The following APIP variants were observed in gnomAD, a reference collection of about 807,000 sequenced individuals.
The protein encoded by APIP is APAF1 interacting protein, also known as methylthioribulose-1-phosphate dehydratase.
Under a neutral mutation model 32.0 loss-of-function variants are expected in APIP, and 32 were observed. The observed-to-expected ratio is 1.00, with a 90% CI of 0.76 to 1.34. The LOEUF (loss-of-function observed/expected upper bound fraction) is 1.34, where lower values mean the gene tolerates loss of function less well. APIP is among the 40% of genes most tolerant of loss of function. APIP has a pLI of 0.00. For synonymous variants in APIP, 92 were observed against 94.8 expected, an observed-to-expected ratio of 0.97 and a Z score of 0.17; for missense variants, 247 against 298.6, an observed-to-expected ratio of 0.83 and a Z score of 1.27.
intron 1 of APIP, chr11:34,915,997 C>T: frequency 1.7e-6 from 1 of 598,342 alleles, no homozygotes; most frequent in Non-Finnish European, 2.9e-6. Flanking sequence ...ACGTTTGGCG[C>T]CCAGCTCCCG....
rs1039983669 is a variant in APIP at position 34,890,567 on chromosome 11, C to G, written c.159-15G>C. The stretch of plus-strand genomic sequence containing the variant: ...AGATTTCATCGCTGGCAACACAAAA[C>G]ATACAAATTGGTATTTATTTATTTC... On this transcript the variant is annotated splice_polypyrimidine_tract_variant and intron_variant, in intron 2 of 6. Coordinates refer to ENST00000395787, the MANE Select transcript of APIP (RefSeq NM_015957.4). 2.5e-6 allele frequency: 4 copies of G among 1,608,562 alleles called. No homozygotes were observed. The East Asian group carries it at 9.0e-5, about 36-fold the overall frequency.
At chr11:34,887,768 GAATT>G (rs1349886758) in intron 5 of APIP, among the ~76,000 whole-genome samples, 2 of 151,968 alleles carry the variant, frequency 1.3e-5, no homozygotes, top group Non-Finnish European at 2.9e-5. Flanking sequence ...GTGGACTGAT[GAATT>G]TATTTAAACT....
At chr11:34,897,095 G>C (rs1853285784) in intron 1 of APIP, among the ~76,000 whole-genome samples, 1 of 152,200 alleles carries the variant, frequency 6.6e-6, no homozygotes, top group Non-Finnish European at 1.5e-5. Flanking sequence ...TGAATTCTCA[G>C]CTACTTAGCT....
At position 34,888,808 on chromosome 11, in the gene APIP, T is replaced by C. The variant is rs1286052256; in HGVS notation, c.269A>G (p.Lys90Arg). 3 of 1,522,410 alleles carry C rather than the reference T, an allele frequency of 2.0e-6. No individual in the cohort carries two copies. The highest frequency in any genetic ancestry group is 1.5e-5 in the African/African-American group (1 of 68,402). The allele number at this position is 1,522,410 out of a possible 1,614,324, so 94.3% of individuals were successfully genotyped here. The part of the protein sequence containing the change: ...EKDISGPSPS[K>R]KLKKSQCTPL... ...AGTACACTGGCTTTTTTTTAGCTTCTTCGATGGCGAAGGTCCACTTATGTC... is the reference window on the plus strand; with the variant it reads ...AGTACACTGGCTTTTTTTTAGCTTCCTCGATGGCGAAGGTCCACTTATGTC... The change falls in exon 4 of 7, where the codon AAG (lysine) becomes AGG (arginine). Residue 90 changes from lysine (K) to arginine (R), a missense_variant. Lys to Arg is a conservative substitution (Grantham distance 26). Transcript: ENST00000395787.
chr11:34,908,826 G>T (rs765157719), intron 1 of APIP, among the ~76,000 whole-genome samples: 2 of 152,220 alleles, frequency 1.3e-5, no homozygotes, highest in Non-Finnish European at 2.9e-5. Flanking sequence ...TTAGTAGCTG[G>T]AAGTGGTTAT....
chr11:34,913,426 T>C (rs1447501316), intron 1 of APIP, among the ~76,000 whole-genome samples: 1 of 152,136 alleles, frequency 6.6e-6, no homozygotes, highest in Admixed American at 6.5e-5. Flanking sequence ...TTCTTCCTTC[T>C]GGTGGGTTCG....
intron 3 of APIP, 93 bp downstream of exon 3, chr11:34,890,411 T>C (rs1192397072): frequency 1.8e-5 from 22 of 1,248,786 alleles, no homozygotes; most frequent in South Asian, 2.8e-5. Context: ...ATTGCTATGA[T>C]AAAATGAATG....
Position 34,916,296 on chromosome 11 carries a change from G to A in APIP, c.-12C>T, listed in dbSNP as rs1275712098. ...TCACAGCCAGACATGGCCCAGACCA[G>A]GGACCCGCGCGGCCTCCAATCTCCG... On this transcript the variant is annotated 5_prime_UTR_variant, in exon 1 of 7. Transcript: ENST00000395787. 5 of 1,611,494 alleles carry A rather than the reference G, an allele frequency of 3.1e-6. No homozygotes were observed. The South Asian group carries it at 4.4e-5, about 14-fold the overall frequency.
At chr11:34,906,642 C>T (rs1427822121) in intron 1 of APIP, among the ~76,000 whole-genome samples, 1 of 152,242 alleles carries the variant, frequency 6.6e-6, no homozygotes, top group Non-Finnish European at 1.5e-5. Flanking sequence ...GACGTCCTCA[C>T]AGCTGAAGTA....
chr11:34,911,468 A>C (rs1196680244), intron 1 of APIP, among the ~76,000 whole-genome samples: 1 of 110,772 alleles, frequency 9.0e-6, no homozygotes, highest in African/African-American at 2.8e-5. Flanking sequence ...TTAACATCAT[A>C]TCTCTTACAT....
chr11:34,882,901 G>C (rs1852990545), intron 6 of APIP, 85 bp from the exon 7 acceptor site: 1 of 954,930 alleles, frequency 1.0e-6, no homozygotes, highest in Non-Finnish European at 1.6e-6. Context: ...CTCTCTTGCA[G>C]TTAACTCTGC....
intron 1 of APIP, among the ~76,000 whole-genome samples, chr11:34,909,099 A>T (rs1853500985): frequency 6.6e-6 from 1 of 152,196 alleles, no homozygotes; most frequent in South Asian, 2.1e-4. Context: ...AGCTGGAAGG[A>T]AGGGACTGTG....
At chr11:34,913,208 C>T (rs7952629) in intron 1 of APIP, among the ~76,000 whole-genome samples, 28,650 of 152,032 alleles carry the variant, frequency 0.19, 3,815 homozygotes, top group African/African-American at 0.39. Flanking sequence ...TTCAGTCATC[C>T]TGCTGATTAT....
chr11:34,905,297 GTA>G (rs2133919724), intron 1 of APIP, among the ~76,000 whole-genome samples: 1 of 94,296 alleles, frequency 1.1e-5, no homozygotes, highest in South Asian at 3.4e-4. Context: ...TGGTCCATTT[GTA>G]CAACAAGACT....
At chr11:34,895,853 TA>T (rs1197661131) in intron 1 of APIP, among the ~76,000 whole-genome samples, 1 of 129,728 alleles carries the variant, frequency 7.7e-6, no homozygotes, top group African/African-American at 2.6e-5. Flanking sequence ...TGGTTTAAAT[TA>T]ATGAAAACAA....
chr11:34,916,075 G>A (rs1381643192), intron 1 of APIP, 153 bp downstream of exon 1: 1 of 1,021,058 alleles, frequency 9.8e-7, no homozygotes, highest in Non-Finnish European at 1.4e-6. Context: ...CGAACGCCAA[G>A]GTCGCGGTGC....
chr11:34,894,467 CAA>C (rs57079015), intron 2 of APIP, among the ~76,000 whole-genome samples: 34 of 86,218 alleles, frequency 3.9e-4, no homozygotes, highest in African/African-American at 1.1e-3. Flanking sequence ...CCAGTCTCTA[CAA>C]AAAAAAAAAA....
At chr11:34,886,208 C>T (rs1853068051) in intron 5 of APIP, among the ~76,000 whole-genome samples, 1 of 151,872 alleles carries the variant, frequency 6.6e-6, no homozygotes, top group Non-Finnish European at 1.5e-5. Flanking sequence ...CCCTGAAGAC[C>T]TTCCACTGAG....
At chr11:34,889,105 AAC>A (rs780659664) in intron 3 of APIP, among the ~76,000 whole-genome samples, 3 of 152,020 alleles carry the variant, frequency 2.0e-5, no homozygotes, top group Non-Finnish European at 4.4e-5. Context: ...TGAGAAATAA[AAC>A]AGTGATTTCT....
Sources: gnomAD v4.1 joint callset for allele counts (sites outside exome capture counted in the v4.1 genomes callset) on GRCh38, gnomAD v4.1.1 for gene constraint, MANE v1.5 for transcripts, NCBI Gene and HGNC (gene_info 2026-07-23, HGNC 2026-07-21) for gene names.